PLXDC2: variants seen among roughly 807,000 people sequenced by gnomAD.
The protein encoded by PLXDC2 is plexin domain-containing protein 2.
A neutral mutation model predicts 68.9 loss-of-function variants in PLXDC2; 40 were observed. The ratio of observed to expected loss-of-function variants is 0.58; its 90% CI spans 0.45 to 0.76. The LOEUF is 0.76. Ranked by LOEUF, PLXDC2 falls within the 30% of genes least tolerant of loss-of-function variation. The pLI is 0.00. For synonymous variants in PLXDC2, 243 were observed against 234.2 expected, an observed-to-expected ratio of 1.04 and a Z score of -0.34; for missense variants, 644 against 661.9, an observed-to-expected ratio of 0.97 and a Z score of 0.30.
intron 4 of PLXDC2, among the ~76,000 whole-genome samples, chr10:20,123,244 G>T (rs1833724282): frequency 6.6e-6 from 1 of 151,936 alleles, no homozygotes; most frequent in Admixed American, 6.6e-5. Flanking sequence ...GAGGTCAGAT[G>T]GGTCTGTAGA....
intron 6 of PLXDC2, among the ~76,000 whole-genome samples, chr10:20,150,641 G>A (rs1481783099): frequency 3.3e-5 from 5 of 152,118 alleles, no homozygotes; most frequent in African/African-American, 9.7e-5. Context: ...AACCAACACT[G>A]GTCAAGTCTC....
intron 1 of PLXDC2, among the ~76,000 whole-genome samples, chr10:19,864,622 C>A (rs1276823804): frequency 6.6e-6 from 1 of 152,102 alleles, no homozygotes; most frequent in Non-Finnish European, 1.5e-5. Flanking sequence ...AAGATGGACC[C>A]TAGATGAGAA....
chr10:19,910,040 T>C (rs1833237994), intron 1 of PLXDC2, among the ~76,000 whole-genome samples: 1 of 152,122 alleles, frequency 6.6e-6, no homozygotes, highest in African/African-American at 2.4e-5. Flanking sequence ...TTCACATACA[T>C]TTTACAAAGC....
chr10:19,872,950 C>G (rs953428246), intron 1 of PLXDC2, among the ~76,000 whole-genome samples: 1 of 152,168 alleles, frequency 6.6e-6, no homozygotes, highest in Non-Finnish European at 1.5e-5. Context: ...TTCCACATAT[C>G]TAATCTTTAT....
intron 1 of PLXDC2, among the ~76,000 whole-genome samples, chr10:19,853,230 TCA>T (rs1414108185): frequency 6.6e-6 from 1 of 152,170 alleles, no homozygotes; most frequent in East Asian, 1.9e-4. Flanking sequence ...ACATTAAGTA[TCA>T]CAGTTCATTA....
At chr10:20,088,430 T>C (rs769734159) in intron 4 of PLXDC2, among the ~76,000 whole-genome samples, 2 of 152,204 alleles carry the variant, frequency 1.3e-5, no homozygotes, top group African/African-American at 2.4e-5. Flanking sequence ...TGAACAGCTG[T>C]TACTCTGGGA....
intron 1 of PLXDC2, among the ~76,000 whole-genome samples, chr10:19,973,294 A>ATGTATATATATATG (rs201216308): frequency 1.2e-4 from 17 of 145,464 alleles, no homozygotes; most frequent in East Asian, 4.0e-4. Flanking sequence ...ATACATATAT[A>ATGTATATATATATG]TGTATATATA....
intron 12 of PLXDC2, among the ~76,000 whole-genome samples, chr10:20,235,248 T>C (rs900802001): frequency 6.6e-6 from 1 of 152,210 alleles, no homozygotes; most frequent in Non-Finnish European, 1.5e-5. Flanking sequence ...CGTGAGGGAA[T>C]GGATTCCTTC....
intron 1 of PLXDC2, among the ~76,000 whole-genome samples, chr10:19,886,611 G>T (rs1263103744): frequency 6.6e-6 from 1 of 152,178 alleles, no homozygotes; most frequent in Admixed American, 6.5e-5. Context: ...ATTAGGAATT[G>T]ATGGGACATA....
chr10:20,152,544 A>G (rs973231034), intron 6 of PLXDC2, among the ~76,000 whole-genome samples: 1 of 152,084 alleles, frequency 6.6e-6, no homozygotes, highest in Non-Finnish European at 1.5e-5. Context: ...TAAGAATAAT[A>G]TTTTTTTAAA....
chr10:19,969,997 C>T (rs1035274901), intron 1 of PLXDC2, among the ~76,000 whole-genome samples: 2 of 152,194 alleles, frequency 1.3e-5, no homozygotes, highest in Non-Finnish European at 2.9e-5. Flanking sequence ...AAAGTGGCTA[C>T]ATTTTTAGTC....
At chr10:20,053,854 C>A (rs1463818768) in intron 3 of PLXDC2, among the ~76,000 whole-genome samples, 1 of 151,972 alleles carries the variant, frequency 6.6e-6, no homozygotes, top group African/African-American at 2.4e-5. Flanking sequence ...AAAATGCCTG[C>A]CTTTACTGCC....
At chr10:20,061,148 A>C (rs1836096055) in intron 3 of PLXDC2, among the ~76,000 whole-genome samples, 1 of 152,166 alleles carries the variant, frequency 6.6e-6, no homozygotes, top group African/African-American at 2.4e-5. Context: ...TTGGTACTAT[A>C]CTCTTAGCTA....
intron 1 of PLXDC2, among the ~76,000 whole-genome samples, chr10:19,941,791 C>T (rs980008201): frequency 1.3e-5 from 2 of 152,064 alleles, no homozygotes; most frequent in Admixed American, 6.6e-5. Context: ...TCACTTCATA[C>T]CTTTTGACTC....
intron 2 of PLXDC2, among the ~76,000 whole-genome samples, chr10:20,044,261 C>CTTTCTTTCTTTA (rs1835754643): frequency 8.8e-6 from 1 of 113,732 alleles, no homozygotes; most frequent in Admixed American, 9.5e-5. Flanking sequence ...TTCTTTCTTT[C>CTTTCTTTCTTTA]TTTCTTTCTT....
intron 3 of PLXDC2, among the ~76,000 whole-genome samples, chr10:20,061,461 G>T (rs1288603139): frequency 6.6e-6 from 1 of 152,088 alleles, no homozygotes; most frequent in Non-Finnish European, 1.5e-5. Context: ...CATATCATGA[G>T]GTACATGATG....
intron 1 of PLXDC2, among the ~76,000 whole-genome samples, chr10:19,900,369 G>A (rs958088571): frequency 3.9e-5 from 6 of 152,084 alleles, no homozygotes; most frequent in Non-Finnish European, 7.4e-5. Flanking sequence ...ACTTCTTGAA[G>A]ACTAAAGCAA....
intron 4 of PLXDC2, among the ~76,000 whole-genome samples, chr10:20,121,702 T>C (rs549644448): frequency 7.9e-5 from 12 of 152,268 alleles, no homozygotes; most frequent in East Asian, 1.9e-4. Flanking sequence ...TAGGAGAGTG[T>C]ATGGGTTTGG....
intron 1 of PLXDC2, among the ~76,000 whole-genome samples, chr10:19,966,448 CAT>C (rs773672081): frequency 8.5e-4 from 9 of 10,578 alleles, no homozygotes; most frequent in Admixed American, 9.0e-4. Context: ...ATATATAAAA[CAT>C]GTGTGTATAT....
Sources: gnomAD v4.1 joint callset for allele counts (sites outside exome capture counted in the v4.1 genomes callset) on GRCh38, gnomAD v4.1.1 for gene constraint, MANE v1.5 for transcripts, NCBI Gene and HGNC (gene_info 2026-07-23, HGNC 2026-07-21) for gene names.